The following ADK variants were observed in gnomAD, a reference collection of about 807,000 sequenced individuals.
ADK encodes adenosine kinase.
ADK carries 24 observed loss-of-function variants against 44.7 expected under a neutral mutation model. That is an observed-to-expected ratio of 0.54 (90% confidence interval 0.39 to 0.76). ADK has a LOEUF of 0.76. Among genes scored for constraint, ADK ranks in the 30% least tolerant of loss-of-function variants. ADK has a pLI of 0.00. For synonymous variants in ADK, 128 were observed against 142.6 expected, an observed-to-expected ratio of 0.90 and a Z score of 0.73; for missense variants, 321 against 425.1, an observed-to-expected ratio of 0.76 and a Z score of 2.15.
chr10:74,290,535 T>C (rs1052471473), intron 3 of ADK, among the ~76,000 whole-genome samples: 1 of 152,118 alleles, frequency 6.6e-6, no homozygotes, highest in African/African-American at 2.4e-5. Context: ...CTTTTGTTAT[T>C]TGTGACCAGT....
At chr10:74,627,445 C>G (rs966028399) in intron 9 of ADK, among the ~76,000 whole-genome samples, 1 of 152,088 alleles carries the variant, frequency 6.6e-6, no homozygotes, top group Non-Finnish European at 1.5e-5. Context: ...ATTGTGCACA[C>G]TCCAGCCTGG....
intron 3 of ADK, among the ~76,000 whole-genome samples, chr10:74,289,933 A>G (rs546578053): frequency 1.3e-5 from 2 of 152,162 alleles, no homozygotes; most frequent in East Asian, 1.9e-4. Context: ...TTTCTTAGCC[A>G]TATACACAAT....
chr10:74,478,281 G>A (rs1003339066), intron 6 of ADK, among the ~76,000 whole-genome samples: 2 of 152,152 alleles, frequency 1.3e-5, no homozygotes, highest in African/African-American at 4.8e-5. Flanking sequence ...GTGCAGTGGA[G>A]CCATCACAGC....
chr10:74,695,619 G>GT (rs1554899155), intron 10 of ADK, among the ~76,000 whole-genome samples: 1,009 of 90,098 alleles, frequency 0.011, 23 homozygotes, highest in Admixed American at 0.047. Context: ...GTATGTGTGG[G>GT]GTGTGTGTGT....
At chr10:74,159,744 C>A (rs1591790754) in intron 1 of ADK, among the ~76,000 whole-genome samples, 1 of 152,150 alleles carries the variant, frequency 6.6e-6, no homozygotes, top group African/African-American at 2.4e-5. Flanking sequence ...AGGCATGCAC[C>A]ACCATGCCCA....
At chr10:74,379,032 A>AG (rs1412617245) in intron 4 of ADK, among the ~76,000 whole-genome samples, 3 of 152,176 alleles carry the variant, frequency 2.0e-5, no homozygotes, top group Non-Finnish European at 4.4e-5. Flanking sequence ...ATGGAGTTAG[A>AG]GAGGCAATGA....
intron 9 of ADK, among the ~76,000 whole-genome samples, chr10:74,602,381 T>C (rs1179848499): frequency 6.6e-6 from 1 of 152,196 alleles, no homozygotes; most frequent in Non-Finnish European, 1.5e-5. Context: ...GGAATTGTAG[T>C]ACTACCTTCA....
chr10:74,462,518 A>T (rs1382688582), intron 6 of ADK, among the ~76,000 whole-genome samples: 1 of 152,190 alleles, frequency 6.6e-6, no homozygotes. Flanking sequence ...AAGTGATTCA[A>T]TAAGATATAT....
chr10:74,347,693 A>G (rs980345453), intron 4 of ADK, among the ~76,000 whole-genome samples: 3 of 152,128 alleles, frequency 2.0e-5, no homozygotes, highest in Non-Finnish European at 4.4e-5. Context: ...TGCCAGCACA[A>G]CAGTCTGAAA....
rs10693309 is a variant in ADK, at chr10:74,177,945, A to ATATATATAT, written c.66-22818_66-22817insATATATATT. Among the ~76,000 whole-genome samples, 846 of 108,872 alleles carry ATATATATAT rather than the reference A, an allele frequency of 7.8e-3. 6 individuals carry two copies. Among genetic ancestry groups the ATATATATAT allele is most frequent in the African/African-American group, 0.017 (475 of 28,470 alleles). 71.4% of individuals were successfully genotyped at this position (108,872 alleles called of 152,430 possible). A position where few individuals can be genotyped will look rare whatever the true frequency, so the allele number is the denominator to read the frequency against. ...TAATTATATATATATATATATATAT[A>ATATATATAT]TTTTTTTTTTTTTGAGACAGAGTTT... On this transcript the variant is annotated intron_variant, in intron 1 of 10. Coordinates refer to ENST00000539909, the MANE Select transcript of ADK (RefSeq NM_006721.4).
At chr10:74,389,802 G>T (rs182031685) in intron 4 of ADK, among the ~76,000 whole-genome samples, 111 of 152,118 alleles carry the variant, frequency 7.3e-4, no homozygotes, top group Middle Eastern at 3.4e-3. Context: ...TGCCTTGCAG[G>T]TTCAAATAAT....
Position 74,305,206 on chromosome 10 carries a change from G to A in ADK, c.195-9461G>A, listed in dbSNP as rs111988634. 5.2e-3 allele frequency among the ~76,000 whole-genome samples: 790 copies of A among 152,222 alleles called. 10 individuals carry two copies. The highest frequency in any genetic ancestry group is 0.017 in the African/African-American group (716 of 41,534). ...TTTTTCCAAATATTTTCAATCTGTG[G>A]TTGGTTGAATCCATGGATGTGGAAC... On this transcript the variant is annotated intron_variant, in intron 3 of 10. Transcript: ENST00000539909.
At chr10:74,624,807 T>C (rs1343649861) in intron 9 of ADK, among the ~76,000 whole-genome samples, 1 of 152,102 alleles carries the variant, frequency 6.6e-6, no homozygotes, top group Non-Finnish European at 1.5e-5. Flanking sequence ...ATTATAGATA[T>C]TTAAACAAAA....
chr10:74,583,431 C>A (rs139268121), intron 7 of ADK, among the ~76,000 whole-genome samples: 2 of 152,298 alleles, frequency 1.3e-5, no homozygotes, highest in East Asian at 3.9e-4. Flanking sequence ...AGGATAATAT[C>A]TCCCGGTTAA....
At chr10:74,358,024 C>T (rs183838273) in intron 4 of ADK, among the ~76,000 whole-genome samples, 49 of 152,252 alleles carry the variant, frequency 3.2e-4, no homozygotes, top group Non-Finnish European at 5.7e-4. Context: ...AGAAATGCTT[C>T]TAGAATTTTT....
chr10:74,279,312 A>C (rs934701936), intron 3 of ADK, among the ~76,000 whole-genome samples: 3 of 137,024 alleles, frequency 2.2e-5, no homozygotes, highest in Admixed American at 1.5e-4. Context: ...AATTGAGGCC[A>C]GGTGCAGTGG....
intron 10 of ADK, among the ~76,000 whole-genome samples, chr10:74,700,953 A>G (rs952728955): frequency 6.6e-6 from 1 of 152,344 alleles, no homozygotes; most frequent in South Asian, 2.1e-4. Context: ...TGAGCTCCCC[A>G]AAGGGGGTAA....
intron 4 of ADK, chr10:74,344,414 CT>C (rs1841690706): frequency 6.4e-6 from 1 of 155,816 alleles, no homozygotes; most frequent in Admixed American, 6.5e-5. Context: ...TCACTGGTTT[CT>C]CCAGTGGTTT....
At chr10:74,346,421 A>T (rs1196695450) in intron 4 of ADK, among the ~76,000 whole-genome samples, 2 of 150,728 alleles carry the variant, frequency 1.3e-5, no homozygotes, top group African/African-American at 5.0e-5. Flanking sequence ...TAATTATGTA[A>T]GCTAATCTAA....
Sources: allele counts gnomAD v4.1 joint callset (sites outside exome capture counted in the v4.1 genomes callset), GRCh38; gene constraint gnomAD v4.1.1; transcripts MANE v1.5; gene names NCBI Gene and HGNC (gene_info 2026-07-23, HGNC 2026-07-21).